Variants in FOXN3 observed in about 807,000 individuals in gnomAD.
FOXN3 encodes forkhead box N3.
In FOXN3, 7 loss-of-function variants were observed where a neutral mutation model predicts 38.4. The ratio of observed to expected loss-of-function variants is 0.18; its 90% CI spans 0.10 to 0.34. FOXN3 has a LOEUF of 0.34. Among genes scored for constraint, FOXN3 ranks in the 10% least tolerant of loss-of-function variants. The pLI is 1.00. For missense variants in FOXN3, 456 were observed against 613.4 expected, an observed-to-expected ratio of 0.74 and a Z score of 2.71; for synonymous variants, 230 against 242.2, an observed-to-expected ratio of 0.95 and a Z score of 0.47.
At chr14:89,185,935 A>T (rs1448629825) in intron 4 of FOXN3, 9 of 152,338 alleles carry the variant, frequency 5.9e-5, no homozygotes, top group Admixed American at 5.9e-4. Context: ...AAAAGAAAAA[A>T]GTCTAAGGTC....
intron 1 of FOXN3, among the ~76,000 whole-genome samples, chr14:89,413,669 ATGGAAGAGAAGG>A (rs112923608): frequency 0.021 from 812 of 38,992 alleles, 6 homozygotes; most frequent in South Asian, 0.037. Context: ...AGGGAAGGGA[ATGGAAGAGAAGG>A]GGGAAGGGAA....
At chr14:89,342,716 C>G (rs1566961494) in intron 3 of FOXN3, among the ~76,000 whole-genome samples, 1 of 152,168 alleles carries the variant, frequency 6.6e-6, no homozygotes, top group Non-Finnish European at 1.5e-5. Flanking sequence ...CCACACTCTC[C>G]TACCTGTTTA....
intron 1 of FOXN3, among the ~76,000 whole-genome samples, chr14:89,446,111 A>AAAAAAAAAAAT (rs1203799928): frequency 7.0e-6 from 1 of 142,750 alleles, no homozygotes; most frequent in Non-Finnish European, 1.5e-5. Flanking sequence ...AAAAAAAAAA[A>AAAAAAAAAAAT]TTTTAAGGAA....
At chr14:89,314,188 G>C (rs1364994692) in intron 3 of FOXN3, among the ~76,000 whole-genome samples, 1 of 151,864 alleles carries the variant, frequency 6.6e-6, no homozygotes, top group Non-Finnish European at 1.5e-5. Context: ...ACAGAAGTAG[G>C]GATACTTTTA....
At position 89,171,595 on chromosome 14, in the gene FOXN3, G is replaced by A. The variant is rs138764080; in HGVS notation, c.852-8626C>T. 3.0e-4 allele frequency among the ~76,000 whole-genome samples: 46 copies of A among 152,050 alleles called. 2 individuals are homozygous for A. Among genetic ancestry groups the A allele is most frequent in the African/African-American group, 8.9e-4 (37 of 41,492 alleles). ...CAGAAATGCAAGTTTTGTTCAAAAC[G>A]ACAAATTTATAGTATAATTCACCAC... On this transcript the variant is annotated intron_variant, in intron 5 of 5. Coordinates refer to ENST00000557258, the MANE Select transcript of FOXN3 (RefSeq NM_005197.4).
At chr14:89,489,325 C>T (rs1346342038) in intron 1 of FOXN3, among the ~76,000 whole-genome samples, 1 of 152,150 alleles carries the variant, frequency 6.6e-6, no homozygotes, top group African/African-American at 2.4e-5. Flanking sequence ...TAGAATTATC[C>T]TCCTCATCGA....
At chr14:89,377,092 G>A (rs1285622840) in intron 2 of FOXN3, among the ~76,000 whole-genome samples, 1 of 138,970 alleles carries the variant, frequency 7.2e-6, no homozygotes, top group East Asian at 2.1e-4. Context: ...TGACTTCCAT[G>A]GGACACAAGG....
chr14:89,459,955 AC>A (rs1892807143), intron 1 of FOXN3, among the ~76,000 whole-genome samples: 1 of 152,158 alleles, frequency 6.6e-6, no homozygotes, highest in Non-Finnish European at 1.5e-5. Context: ...GGAAGACAAT[AC>A]GAACTCTGCC....
At chr14:89,604,752 A>G (rs1486481558) in intron 1 of FOXN3, among the ~76,000 whole-genome samples, 1 of 152,194 alleles carries the variant, frequency 6.6e-6, no homozygotes, top group African/African-American at 2.4e-5. Flanking sequence ...ATTGCCAAAC[A>G]CCAAAAACAA....
At chr14:89,365,849 A>G (rs1890125331) in intron 2 of FOXN3, among the ~76,000 whole-genome samples, 1 of 152,244 alleles carries the variant, frequency 6.6e-6, no homozygotes, top group Admixed American at 6.5e-5. Context: ...ACTCTCACGT[A>G]CACACAAAGT....
intron 1 of FOXN3, among the ~76,000 whole-genome samples, chr14:89,553,676 C>G (rs1230866213): frequency 3.3e-5 from 5 of 152,086 alleles, no homozygotes; most frequent in Non-Finnish European, 7.3e-5. Context: ...AACTCCATCG[C>G]TCATCCGGAA....
intron 1 of FOXN3, among the ~76,000 whole-genome samples, chr14:89,555,862 TGTGTGTGTGTGTGTATGTGGGG>T (rs1216914554): frequency 1.1e-4 from 14 of 129,810 alleles, no homozygotes; most frequent in Non-Finnish European, 2.1e-4. Flanking sequence ...TGTGTGTGTG[TGTGTGTGTGTGTGTATGTGGGG>T]GTGTATGTGG....
chr14:89,190,613 G>A (rs1430274875), intron 4 of FOXN3, among the ~76,000 whole-genome samples: 1 of 152,132 alleles, frequency 6.6e-6, no homozygotes, highest in African/African-American at 2.4e-5. Context: ...TGGGATTTGA[G>A]AAGAAGAAAA....
At chr14:89,451,303 G>A (rs373964386) in intron 1 of FOXN3, among the ~76,000 whole-genome samples, 2 of 152,294 alleles carry the variant, frequency 1.3e-5, no homozygotes, top group African/African-American at 4.8e-5. Flanking sequence ...CAATGTGACT[G>A]GTTACAAAGG....
At chr14:89,225,492 T>C (rs538700867) in intron 4 of FOXN3, among the ~76,000 whole-genome samples, 47 of 151,618 alleles carry the variant, frequency 3.1e-4, no homozygotes, top group African/African-American at 1.1e-3. Context: ...TAGTCCCAGC[T>C]ACTTGGGAGG....
intron 1 of FOXN3, among the ~76,000 whole-genome samples, chr14:89,450,295 T>C (rs1444460936): frequency 6.6e-6 from 1 of 152,222 alleles, no homozygotes; most frequent in African/African-American, 2.4e-5. Context: ...ACCTAATCCA[T>C]GGTGACCTTG....
intron 1 of FOXN3, among the ~76,000 whole-genome samples, chr14:89,472,142 C>A (rs1893106985): frequency 6.6e-6 from 1 of 151,988 alleles, no homozygotes; most frequent in Non-Finnish European, 1.5e-5. Flanking sequence ...GTAATCCCAG[C>A]TACTCTGGAG....
chr14:89,451,323 G>A (rs747095624), intron 1 of FOXN3, among the ~76,000 whole-genome samples: 11 of 152,188 alleles, frequency 7.2e-5, no homozygotes, highest in Non-Finnish European at 1.3e-4. Flanking sequence ...GTAAGGCAAA[G>A]ACAGTTTGGT....
At chr14:89,307,417 G>A (rs1887409933) in intron 3 of FOXN3, among the ~76,000 whole-genome samples, 1 of 152,034 alleles carries the variant, frequency 6.6e-6, no homozygotes, top group African/African-American at 2.4e-5. Context: ...ACAAACATGG[G>A]TACTGTTTGT....
Sources: allele counts gnomAD v4.1 joint callset (sites outside exome capture counted in the v4.1 genomes callset), GRCh38; gene constraint gnomAD v4.1.1; transcripts MANE v1.5; gene names NCBI Gene and HGNC (gene_info 2026-07-23, HGNC 2026-07-21).